Variants in FILIP1 observed in about 807,000 individuals in gnomAD.
FILIP1 encodes the protein filamin A interacting protein 1, also known as filamin-A-interacting protein 1.
In FILIP1, 61 loss-of-function variants were observed where a neutral mutation model predicts 102.1. That is an observed-to-expected ratio of 0.60 (90% confidence interval 0.49 to 0.74). The LOEUF (loss-of-function observed/expected upper bound fraction) is 0.74, where lower values mean the gene tolerates loss of function less well. Ranked by LOEUF, FILIP1 falls within the 30% of genes least tolerant of loss-of-function variation. FILIP1 has a pLI of 0.00. For missense variants in FILIP1, 1,314 were observed against 1,441.2 expected, an observed-to-expected ratio of 0.91 and a Z score of 1.43; for synonymous variants, 491 against 526.9, an observed-to-expected ratio of 0.93 and a Z score of 0.93.
intron 1 of FILIP1, among the ~76,000 whole-genome samples, chr6:75,435,184 G>A (rs888968377): frequency 3.9e-5 from 6 of 152,120 alleles, no homozygotes; most frequent in Non-Finnish European, 5.9e-5. Flanking sequence ...TTGGTATCAC[G>A]ATAATGCTGG....
Position 75,370,897 on chromosome 6 carries a change from T to A in FILIP1, c.277-7980A>T, listed in dbSNP as rs187967643. Reference sequence around the variant, plus strand: ...CAGCCCACTTTCTTCTTTTTAAGTTTATTCCAAAAAGAAAATATGTAAACT... The same window carrying A: ...CAGCCCACTTTCTTCTTTTTAAGTTAATTCCAAAAAGAAAATATGTAAACT... On this transcript the variant is annotated intron_variant, in intron 2 of 5. Coordinates refer to ENST00000237172, the MANE Select transcript of FILIP1 (RefSeq NM_015687.5). Among the ~76,000 whole-genome samples the A allele has an allele frequency of 3.8e-4, 58 of 152,224 alleles. No individual in the cohort carries two copies. The East Asian group carries it at 0.01, about 27-fold the overall frequency.
chr6:75,313,219 T>A lies in FILIP1; in HGVS notation c.2613A>T (p.Pro871=). The A allele has an allele frequency of 1.2e-6, 2 of 1,614,144 alleles. No individual in the cohort carries two copies. Among genetic ancestry groups the A allele is most frequent in the Non-Finnish European group, 1.7e-6 (2 of 1,180,012 alleles). The part of the protein sequence containing the change: ...NELTMRKSWI[P]WMRKRENGPS... ...GGCCGTTTTCCCTCTTTCTCATCCA[T>A]GGAATCCAAGACTTTCTCATAGTGA... Residue 871 remains proline, a synonymous_variant, in exon 5 of 6, where the codon CCA becomes CCT. Coordinates refer to ENST00000237172, the MANE Select transcript of FILIP1 (RefSeq NM_015687.5). The surrounding 1 kb of genome is among the most constrained non-coding windows in gnomAD (Gnocchi z 4.2).
intron 1 of FILIP1, among the ~76,000 whole-genome samples, chr6:75,468,494 C>G (rs1779238236): frequency 6.6e-6 from 1 of 152,086 alleles, no homozygotes; most frequent in Non-Finnish European, 1.5e-5. Context: ...AAATAGAATA[C>G]TCGACAAGCA....
At chr6:75,486,184 T>C (rs187229892) in intron 1 of FILIP1, among the ~76,000 whole-genome samples, 29 of 152,246 alleles carry the variant, frequency 1.9e-4, no homozygotes, top group Non-Finnish European at 3.8e-4. Context: ...GAGTTGTCAA[T>C]AGGAGCAACA....
intron 4 of FILIP1, among the ~76,000 whole-genome samples, chr6:75,349,720 G>A (rs932551396): frequency 6.6e-6 from 1 of 152,162 alleles, no homozygotes; most frequent in Admixed American, 6.5e-5. Context: ...TGCTGTGGCC[G>A]CGTTGCGCCT....
intron 6 of FILIP1, among the ~76,000 whole-genome samples, chr6:75,300,586 T>C (rs962757881): frequency 6.6e-6 from 1 of 152,246 alleles, no homozygotes; most frequent in African/African-American, 2.4e-5. Flanking sequence ...AATCCTGTTA[T>C]TATCACATTC....
chr6:75,296,474 G>GTTTTTT (rs1301039097), intron 6 of FILIP1: 7 of 85,146 alleles, frequency 8.2e-5, no homozygotes, highest in African/African-American at 3.3e-4. Flanking sequence ...AACTCTATAT[G>GTTTTTT]TTTATTATTA....
chr6:75,360,711 T>C (rs1335751240), intron 3 of FILIP1: 1 of 152,242 alleles, frequency 6.6e-6, no homozygotes, highest in Non-Finnish European at 1.5e-5. Context: ...GTTCATTGCT[T>C]AACCGCTGGT....
In FILIP1 at chr6:75,424,955, T is replaced by C. The variant is rs77821228; in HGVS notation, c.-6-9977A>G. On this transcript the variant is annotated intron_variant, in intron 1 of 5. Transcript: ENST00000237172. ...ACTTTCAAATCCCTAGAGCATTTCA[T>C]AACATAAAAGAATAACTTAAAATCA... 1.5e-3 allele frequency among the ~76,000 whole-genome samples: 228 copies of C among 152,296 alleles called. 4 individuals are homozygous for C. The East Asian group carries it at 0.03, about 20-fold the overall frequency.
At chr6:75,483,894 T>C (rs1237733575) in intron 1 of FILIP1, among the ~76,000 whole-genome samples, 2 of 152,104 alleles carry the variant, frequency 1.3e-5, no homozygotes, top group African/African-American at 4.8e-5. Flanking sequence ...TGGGGGGAGA[T>C]GAACAATTCC....
At chr6:75,370,761 G>A (rs1310755529) in intron 2 of FILIP1, among the ~76,000 whole-genome samples, 1 of 151,784 alleles carries the variant, frequency 6.6e-6, no homozygotes, top group African/African-American at 2.4e-5. Flanking sequence ...ATTTTTAGTA[G>A]AGACAGGGTT....
At chr6:75,407,326 T>G (rs1044972689) in intron 2 of FILIP1, among the ~76,000 whole-genome samples, 6 of 151,876 alleles carry the variant, frequency 4.0e-5, no homozygotes, top group Admixed American at 6.6e-5. Context: ...CCCGGGTTCA[T>G]GCCATTATCC....
At chr6:75,321,417 T>C (rs1170175549) in intron 4 of FILIP1, among the ~76,000 whole-genome samples, 5 of 152,172 alleles carry the variant, frequency 3.3e-5, no homozygotes, top group African/African-American at 4.8e-5. Flanking sequence ...CCACCCTACA[T>C]AGAAATTTTC....
chr6:75,303,785 GGATAGATA>G (rs373392306), downstream of FILIP1, among the ~76,000 whole-genome samples: 1 of 151,642 alleles, frequency 6.6e-6, no homozygotes, highest in Non-Finnish European at 1.5e-5. Context: ...GAGAGAGAGA[GGATAGATA>G]GATAGATAGA....
At chr6:75,348,498 A>G (rs1473898431) in intron 4 of FILIP1, among the ~76,000 whole-genome samples, 1 of 152,258 alleles carries the variant, frequency 6.6e-6, no homozygotes, top group Non-Finnish European at 1.5e-5. Flanking sequence ...GTAACAAATT[A>G]TGATCACAGT....
In FILIP1 at chr6:75,493,727, GTGT is replaced by G. The variant is rs1780037869; in HGVS notation, c.-323_-321del. Reference sequence around the variant, plus strand: ...TAAAAGTTTTTTCTACTGTTGCTAGGTGTTGTTGGGTTCGGAGATTAGGTTTCT... The same window carrying G: ...TAAAAGTTTTTTCTACTGTTGCTAGGTGTTGGGTTCGGAGATTAGGTTTCT... On this transcript the variant is annotated 5_prime_UTR_variant, in exon 1 of 6. Coordinates refer to ENST00000237172, the MANE Select transcript of FILIP1 (RefSeq NM_015687.5). The G allele has an allele frequency of 1.3e-5, 2 of 152,146 alleles. No individual in the cohort carries two copies. The highest frequency in any genetic ancestry group is 4.1e-4 in the South Asian group (2 of 4,820). The allele number at this position is 152,146 out of a possible 1,614,324, so 9.4% of individuals were successfully genotyped here.
chr6:75,306,740 C>T (rs183117302), downstream of FILIP1, among the ~76,000 whole-genome samples: 375 of 134,090 alleles, frequency 2.8e-3, 4 homozygotes, highest in Non-Finnish European at 3.2e-3. Context: ...CATGGCTCCT[C>T]AATTTTCTTT....
intron 4 of FILIP1, among the ~76,000 whole-genome samples, chr6:75,330,320 A>G (rs1173841016): frequency 6.6e-6 from 1 of 152,166 alleles, no homozygotes; most frequent in African/African-American, 2.4e-5. Flanking sequence ...ATCCTTCCCA[A>G]TAGGACAAAA....
At chr6:75,349,391 T>C (rs1188418411) in intron 4 of FILIP1, among the ~76,000 whole-genome samples, 3 of 151,738 alleles carry the variant, frequency 2.0e-5, no homozygotes, top group Non-Finnish European at 4.4e-5. Flanking sequence ...ATAAGCCGCC[T>C]GGAATGGAGA....
Sources: allele counts gnomAD v4.1 joint callset (sites outside exome capture counted in the v4.1 genomes callset), GRCh38; gene constraint gnomAD v4.1.1; non-coding constraint Gnocchi (gnomAD v3.1); transcripts MANE v1.5; gene names NCBI Gene and HGNC (gene_info 2026-07-23, HGNC 2026-07-21).